Variants in FGF13 observed in about 807,000 individuals in gnomAD.
The protein encoded by FGF13 is fibroblast growth factor 13, also known as fibroblast growth factor homologous factor 2.
FGF13 carries 2 observed loss-of-function variants against 19.5 expected under a neutral mutation model. The observed-to-expected ratio is 0.10, with a 90% CI of 0.04 to 0.32. The LOEUF (loss-of-function observed/expected upper bound fraction) is 0.32. Ranked by LOEUF, FGF13 falls within the 10% of genes least tolerant of loss-of-function variation. FGF13 has a pLI of 1.00. For missense variants in FGF13, 113 were observed against 192.7 expected (o/e 0.59, Z 2.45); for synonymous variants, 72 against 76.9 (o/e 0.94, Z 0.33).
intron 3 of FGF13, among the ~76,000 whole-genome samples, chrX:138,813,983 CAT>C (rs765301509): frequency 9.1e-6 from 1 of 110,428 alleles, no homozygotes; most frequent in East Asian, 2.9e-4. Context: ...TACATATGCA[CAT>C]GTTCTGCTTG....
chrX:139,195,085 G>A (rs1191585572), intron 1 of FGF13, among the ~76,000 whole-genome samples: 1 of 111,966 alleles, frequency 8.9e-6, no homozygotes, highest in African/African-American at 3.3e-5. Flanking sequence ...CACATCACGA[G>A]GCTAATGAGC....
At chrX:139,060,622 G>A (rs1259415658) in intron 1 of FGF13, among the ~76,000 whole-genome samples, 1 of 111,133 alleles carries the variant, frequency 9.0e-6, no homozygotes, top group African/African-American at 3.3e-5. Context: ...TACTTTTCCT[G>A]CATATGACTC....
Position 138,693,538 on chromosome X carries a change from C to A in FGF13, c.402+9446G>T, listed in dbSNP as rs2089860544. ...GTGTTTGTATAATTACCCATACAAA[C>A]CATTAGTGTGAACTGAAAACATTCA... On this transcript the variant is annotated intron_variant, in intron 3 of 4. Coordinates refer to ENST00000315930, the MANE Select transcript of FGF13 (RefSeq NM_004114.5). Among the ~76,000 whole-genome samples, 3 of 111,426 alleles carry A rather than the reference C, an allele frequency of 2.7e-5. No individual in the cohort carries two copies. In the Admixed American group the frequency reaches 2.9e-4, roughly 11 times the overall value.
chrX:139,156,617 G>A (rs1211028711), intron 1 of FGF13, among the ~76,000 whole-genome samples: 4 of 112,200 alleles, frequency 3.6e-5, no homozygotes, highest in Non-Finnish European at 7.5e-5. Context: ...GGCTTAAGTC[G>A]TTCTCCAACT....
At chrX:138,682,578 T>C (rs934156791) in intron 3 of FGF13, among the ~76,000 whole-genome samples, 1 of 112,242 alleles carries the variant, frequency 8.9e-6, no homozygotes, top group South Asian at 3.7e-4. Context: ...TTGTGGTAGT[T>C]AGAGGCTTTA....
At chrX:138,860,158 G>T (rs1045429383) in intron 2 of FGF13, among the ~76,000 whole-genome samples, 1 of 111,701 alleles carries the variant, frequency 9.0e-6, no homozygotes, top group Non-Finnish European at 1.9e-5. Context: ...ACATTACGCT[G>T]GCTTATAAAA....
chrX:138,654,400 G>A (rs1172883903), intron 3 of FGF13, among the ~76,000 whole-genome samples: 1 of 112,023 alleles, frequency 8.9e-6, no homozygotes, highest in Non-Finnish European at 1.9e-5. Flanking sequence ...TCTATAGTCA[G>A]CATCAAATCT....
intron 3 of FGF13, among the ~76,000 whole-genome samples, chrX:138,690,416 T>C (rs1412645901): frequency 9.0e-6 from 1 of 111,048 alleles, no homozygotes; most frequent in Non-Finnish European, 1.9e-5. Flanking sequence ...GAGGGAAATA[T>C]ATCCCTGTGT....
chrX:138,869,199 A>G (rs2091345007), intron 1 of FGF13, among the ~76,000 whole-genome samples: 1 of 111,756 alleles, frequency 8.9e-6, no homozygotes, highest in African/African-American at 3.3e-5. Context: ...GCTTTTCTCC[A>G]TGCCCAGGAA....
intron 1 of FGF13, among the ~76,000 whole-genome samples, chrX:138,875,470 G>A (rs992655264): frequency 2.7e-5 from 3 of 111,858 alleles, no homozygotes; most frequent in Admixed American, 9.5e-5. Context: ...AGTGTCACTT[G>A]TTAGGGGAAA....
At position 138,630,724 on chromosome X, in the gene FGF13, G is replaced by T. The variant is rs762890180; in HGVS notation, c.*2126C>A. The T allele has an allele frequency of 9.0e-6, 1 of 111,711 alleles. No homozygotes were observed. Among genetic ancestry groups the T allele is most frequent in the African/African-American group, 3.2e-5 (1 of 30,811 alleles). 9.2% of individuals were successfully genotyped at this position (111,711 alleles called of 1,213,427 possible). A position where few individuals can be genotyped will look rare whatever the true frequency, so the allele number is the denominator to read the frequency against. On this transcript the variant is annotated 3_prime_UTR_variant, in exon 5 of 5. Coordinates refer to ENST00000315930, the MANE Select transcript of FGF13 (RefSeq NM_004114.5). The stretch of plus-strand genomic sequence containing the variant: ...TTTGCAGATGCTCTGAAAAGCACTA[G>T]TCAACTACGTTTTATGTATTTCACA...
intron 3 of FGF13, among the ~76,000 whole-genome samples, chrX:138,688,614 A>G (rs1278888855): frequency 9.1e-6 from 1 of 110,475 alleles, no homozygotes; most frequent in Non-Finnish European, 1.9e-5. Context: ...ATTACATATC[A>G]GTAAAAAACT....
At chrX:138,838,452 G>A (rs1812440364) in intron 3 of FGF13, among the ~76,000 whole-genome samples, 2 of 111,674 alleles carry the variant, frequency 1.8e-5, no homozygotes, top group East Asian at 2.8e-4. Flanking sequence ...GGGATCTCCC[G>A]ACCTGAGGGT....
chrX:139,018,988 C>T (rs974539268), intron 1 of FGF13, among the ~76,000 whole-genome samples: 2 of 111,302 alleles, frequency 1.8e-5, no homozygotes, highest in East Asian at 2.8e-4. Context: ...CCCTCCTAGA[C>T]CCTCTTATCA....
intron 3 of FGF13, among the ~76,000 whole-genome samples, chrX:138,822,924 A>T (rs1385336798): frequency 2.7e-5 from 3 of 112,052 alleles, no homozygotes; most frequent in Non-Finnish European, 5.6e-5. Flanking sequence ...AGCTATGAAC[A>T]TACAGTGTGG....
chrX:139,009,886 C>T (rs1404849072), intron 1 of FGF13, among the ~76,000 whole-genome samples: 1 of 111,563 alleles, frequency 9.0e-6, no homozygotes, highest in Non-Finnish European at 1.9e-5. Context: ...ATTTACCAAC[C>T]AAGTTTCTGC....
At chrX:139,041,299 A>G (rs2124403573) in intron 1 of FGF13, among the ~76,000 whole-genome samples, 1 of 111,634 alleles carries the variant, frequency 9.0e-6, no homozygotes, top group East Asian at 2.8e-4. Flanking sequence ...TGCTTAAACA[A>G]CAAAGGATGT....
At chrX:138,807,469 G>T (rs1165488454) in intron 3 of FGF13, among the ~76,000 whole-genome samples, 2 of 111,748 alleles carry the variant, frequency 1.8e-5, no homozygotes, top group Non-Finnish European at 3.8e-5. Context: ...GGAACAACTG[G>T]TACCAGCCAC....
intron 3 of FGF13, among the ~76,000 whole-genome samples, chrX:138,767,246 AAAAT>A (rs1427252016): frequency 8.9e-6 from 1 of 112,257 alleles, no homozygotes; most frequent in Non-Finnish European, 1.9e-5. Flanking sequence ...TTCTTGAAAT[AAAAT>A]AAATAATCTC....
Sources: allele counts gnomAD v4.1 joint callset (sites outside exome capture counted in the v4.1 genomes callset), GRCh38; gene constraint gnomAD v4.1.1; transcripts MANE v1.5; gene names NCBI Gene and HGNC (gene_info 2026-07-23, HGNC 2026-07-21).